The following LATS2 variants were observed in gnomAD, a reference collection of about 807,000 sequenced individuals.
LATS2 encodes serine/threonine-protein kinase LATS2.
A neutral mutation model predicts 76.0 loss-of-function variants in LATS2; 24 were observed. The observed-to-expected ratio is 0.32, with a 90% CI of 0.23 to 0.44. The LOEUF is 0.44. LATS2 is among the 20% of genes least tolerant of loss of function. The pLI is 1.00. For synonymous variants in LATS2, 692 were observed against 635.4 expected, an observed-to-expected ratio of 1.09 and a Z score of -1.34; for missense variants, 1,286 against 1,481.2, an observed-to-expected ratio of 0.87 and a Z score of 2.16.
Position 20,983,577 on chromosome 13 carries a change from A to T in LATS2, c.2129T>A (p.Val710Glu). 6.2e-7 allele frequency: 1 copy of T among 1,614,050 alleles called. No homozygotes were observed. Among genetic ancestry groups the T allele is most frequent in the Non-Finnish European group, 8.5e-7 (1 of 1,180,002 alleles). ...RKKDVLNRNQ[V>E]AHVKAERDIL... Reference sequence around the variant, plus strand: ...GTCCCTCTCGGCCTTGACGTGGGCCACCTGATTCCGGTTCAGGACATCCTT... The same window carrying T: ...GTCCCTCTCGGCCTTGACGTGGGCCTCCTGATTCCGGTTCAGGACATCCTT... Residue 710 changes from valine to glutamate, a missense_variant, in exon 5 of 8, where the codon GTG becomes GAG. Physicochemically the swap from Val to Glu is moderately radical, Grantham distance 121. This residue lies in a region of LATS2 where 247 missense variants were observed against 385.4 expected (regional missense o/e 0.64). Transcript: ENST00000382592.
intron 2 of LATS2, among the ~76,000 whole-genome samples, chr13:21,007,663 A>AGT (rs1261814985): frequency 1.4e-4 from 1 of 7,128 alleles, no homozygotes; most frequent in African/African-American, 8.4e-4. Flanking sequence ...ATATATATAT[A>AGT]GTGTGTATAT....
chr13:20,987,843 A>C (rs754784249), intron 4 of LATS2, 38 bp downstream of exon 4: 2 of 1,591,300 alleles, frequency 1.3e-6, no homozygotes, highest in African/African-American at 2.7e-5. Context: ...TAGAGGGATG[A>C]GCCGGGAACA....
intron 2 of LATS2, among the ~76,000 whole-genome samples, chr13:21,036,506 G>A (rs1872687297): frequency 6.6e-6 from 1 of 152,050 alleles, no homozygotes; most frequent in South Asian, 2.1e-4. Flanking sequence ...CCCTTGCGGT[G>A]GCTCACGCCT....
chr13:21,051,920 G>A (rs147765759), intron 1 of LATS2, among the ~76,000 whole-genome samples: 2 of 152,294 alleles, frequency 1.3e-5, no homozygotes, highest in East Asian at 3.9e-4. Flanking sequence ...TCACACTACT[G>A]CACTCCAGCC....
chr13:20,983,168 A>G (rs546477956), intron 5 of LATS2, 56 bp downstream of exon 5: 2 of 1,222,102 alleles, frequency 1.6e-6, no homozygotes, highest in East Asian at 2.3e-5. Flanking sequence ...GTTGCTTGCA[A>G]TGGGGTTAGT....
chr13:20,980,273 G>A lies in LATS2; in HGVS notation c.2666-476C>T, dbSNP rs181656601. ...AAACCCACCGGACAATTCACTGTAA[G>A]CCAAACACTCCTTGTGTGAGGCCCC... On this transcript the variant is annotated intron_variant, in intron 6 of 7. Transcript: ENST00000382592. Among the ~76,000 whole-genome samples, 535 of 152,298 alleles carry A rather than the reference G, an allele frequency of 3.5e-3. 4 individuals are homozygous for A. The highest frequency in any genetic ancestry group is 0.012 in the African/African-American group (513 of 41,564).
chr13:21,036,644 G>A lies in LATS2; in HGVS notation c.342+9041C>T, dbSNP rs7999568. Among the ~76,000 whole-genome samples the A allele has an allele frequency of 3.7e-3, 564 of 152,004 alleles. 3 individuals are homozygous for A. The highest frequency in any genetic ancestry group is 0.013 in the African/African-American group (545 of 41,494). The stretch of plus-strand genomic sequence containing the variant: ...AAAAATTAGCCCGGCATGGTGGCGC[G>A]TGCCTGTAATCCCAGCTACTCAAGA... On this transcript the variant is annotated intron_variant, in intron 2 of 7. Coordinates refer to ENST00000382592, the MANE Select transcript of LATS2 (RefSeq NM_014572.3).
intron 2 of LATS2, among the ~76,000 whole-genome samples, chr13:21,036,705 GGAGGTTACAGT>G (rs1872692896): frequency 6.6e-6 from 1 of 152,056 alleles, no homozygotes; most frequent in Non-Finnish European, 1.5e-5. Context: ...CCTGGGACAC[GGAGGTTACAGT>G]GAGCCAAGAT....
intron 2 of LATS2, among the ~76,000 whole-genome samples, chr13:21,002,533 AC>A (rs1393776531): frequency 6.6e-6 from 1 of 151,736 alleles, no homozygotes; most frequent in Non-Finnish European, 1.5e-5. Context: ...TTACCACCAC[AC>A]CCAGCTAATT....
Position 21,000,384 on chromosome 13 carries a change from A to C in LATS2, c.343-8980T>G, listed in dbSNP as rs149487732. ...TGACAGAGCAAGACTCTGTCATAATAATAATAATAATAATAATAAAGATAA... is the reference window on the plus strand; with the variant it reads ...TGACAGAGCAAGACTCTGTCATAATCATAATAATAATAATAATAAAGATAA... On this transcript the variant is annotated intron_variant, in intron 2 of 7. Coordinates refer to ENST00000382592, the MANE Select transcript of LATS2 (RefSeq NM_014572.3). Among the ~76,000 whole-genome samples the C allele has an allele frequency of 5.0e-3, 754 of 151,920 alleles. 9 individuals carry two copies. Among genetic ancestry groups the C allele is most frequent in the African/African-American group, 0.016 (676 of 41,416 alleles).
intron 3 of LATS2, among the ~76,000 whole-genome samples, chr13:20,990,863 G>A (rs887720236): frequency 6.6e-6 from 1 of 152,218 alleles, no homozygotes; most frequent in African/African-American, 2.4e-5. Context: ...TACGATGTGA[G>A]AGAGGTGTGT....
intron 2 of LATS2, among the ~76,000 whole-genome samples, chr13:21,001,312 T>G (rs1871030290): frequency 1.3e-5 from 2 of 152,204 alleles, no homozygotes; most frequent in Admixed American, 1.3e-4. Flanking sequence ...GATCCTATAT[T>G]TCTATTCATG....
intron 2 of LATS2, among the ~76,000 whole-genome samples, chr13:21,039,581 T>C (rs1872795539): frequency 6.6e-6 from 1 of 152,208 alleles, no homozygotes; most frequent in Non-Finnish European, 1.5e-5. Context: ...TTGGCTGGAC[T>C]AGTACACAGA....
In LATS2 at chr13:21,024,584, C is replaced by T. The variant is rs370724860; in HGVS notation, c.342+21101G>A. 3.3e-4 allele frequency among the ~76,000 whole-genome samples: 50 copies of T among 149,464 alleles called. No individual in the cohort carries two copies. The South Asian group carries it at 7.1e-3, about 21-fold the overall frequency. The stretch of plus-strand genomic sequence containing the variant: ...GGAGCTCTTCCTGCATAGCGCCTCA[C>T]GGATGACATCTCACTTTGACGGTCA... On this transcript the variant is annotated intron_variant, in intron 2 of 7. Transcript: ENST00000382592.
chr13:20,975,063 AGT>A lies in LATS2; in HGVS notation c.3072_3073del (p.Leu1025HisfsTer5). ...AGGATGCTTGTTATTGGGCGAGGTGAGTGTGTCCCAGGCCTTGGTGCTACCTT... is the reference window on the plus strand; with the variant it reads ...AGGATGCTTGTTATTGGGCGAGGTGAGTGTCCCAGGCCTTGGTGCTACCTT... On this transcript the variant is annotated frameshift_variant, in exon 8 of 8. Coordinates refer to ENST00000382592, the MANE Select transcript of LATS2 (RefSeq NM_014572.3). LOFTEE classifies it low-confidence loss of function (END_TRUNC). The A allele has an allele frequency of 6.2e-7, 1 of 1,614,198 alleles. No homozygotes were observed. Among genetic ancestry groups the A allele is most frequent in the Non-Finnish European group, 8.5e-7 (1 of 1,180,034 alleles).
chr13:21,035,116 A>C (rs1872651268), intron 2 of LATS2, among the ~76,000 whole-genome samples: 1 of 152,162 alleles, frequency 6.6e-6, no homozygotes, highest in Non-Finnish European at 1.5e-5. Context: ...AAAGCAAGAA[A>C]AGAAATCTAA....
chr13:21,004,414 A>C (rs1279055176), intron 2 of LATS2, among the ~76,000 whole-genome samples: 1 of 150,376 alleles, frequency 6.6e-6, no homozygotes, highest in African/African-American at 2.5e-5. Flanking sequence ...AGCCTGGGCA[A>C]CAAGAGCGAA....
At chr13:21,005,529 G>GA (rs1871228902) in intron 2 of LATS2, 4 of 152,216 alleles carry the variant, frequency 2.6e-5, no homozygotes, top group African/African-American at 7.2e-5. Flanking sequence ...TTTCTGACAG[G>GA]AAGAGTAATA....
chr13:21,031,783 C>T (rs2138380517), intron 2 of LATS2, among the ~76,000 whole-genome samples: 1 of 152,204 alleles, frequency 6.6e-6, no homozygotes, highest in South Asian at 2.1e-4. Flanking sequence ...TTGCTTGAGC[C>T]CGGGAAGGCT....
Sources: allele counts gnomAD v4.1 joint callset (sites outside exome capture counted in the v4.1 genomes callset), GRCh38; gene constraint gnomAD v4.1.1; regional missense constraint gnomAD v4.1.1; transcripts MANE v1.5; gene names NCBI Gene and HGNC (gene_info 2026-07-23, HGNC 2026-07-21).